The following SAMMSON variants were observed in gnomAD, a reference collection of about 807,000 sequenced individuals.
SAMMSON encodes the protein long intergenic non-protein coding RNA 1212.
At chr3:70,215,983 T>G (rs775097040) in intron 4 of SAMMSON, among the ~76,000 whole-genome samples, 1 of 152,066 alleles carries the variant, frequency 6.6e-6, no homozygotes, top group Admixed American at 6.6e-5. Context: ...TATTTTGATT[T>G]GAATGCAACA....
chr3:70,289,551 TC>T (rs1196328131), intron 6 of SAMMSON, among the ~76,000 whole-genome samples: 1 of 148,422 alleles, frequency 6.7e-6, no homozygotes, highest in African/African-American at 2.5e-5. Flanking sequence ...GAGTTGCTCT[TC>T]TCGAGGAGTA....
Position 70,122,460 on chromosome 3 carries a change from G to A in SAMMSON, n.507+50895G>A, listed in dbSNP as rs79120866. On this transcript the variant is annotated intron_variant and non_coding_transcript_variant, in intron 4 of 9. Transcript: ENST00000642114. The stretch of plus-strand genomic sequence containing the variant: ...CTGGGCTCCAGCAATCCACCTGCTC[G>A]CCCTCCCAAATTGTTAGGATTACAG... Among the ~76,000 whole-genome samples, 194 of 152,228 alleles carry A rather than the reference G, an allele frequency of 1.3e-3. 2 individuals carry two copies. The East Asian group carries it at 0.029, about 23-fold the overall frequency.
In SAMMSON at chr3:70,369,389, A is replaced by T. The variant is rs1702946805; in HGVS notation, n.913+11065A>T. 2.0e-5 allele frequency among the ~76,000 whole-genome samples: 3 copies of T among 151,896 alleles called. No homozygotes were observed. The South Asian group carries it at 6.2e-4, about 31-fold the overall frequency. On this transcript the variant is annotated intron_variant and non_coding_transcript_variant, in intron 9 of 9. Transcript: ENST00000642114. ...AAATTCTGGAGCATGACAGGAAAAA[A>T]ATTTTTTAAATTCTCTCAAAATGCT... is the stretch of plus-strand genomic sequence containing the variant.
At chr3:70,127,301 A>G (rs1323649425) in intron 4 of SAMMSON, 1 of 152,130 alleles carries the variant, frequency 6.6e-6, no homozygotes, top group African/African-American at 2.4e-5. Context: ...CTCTTACTAC[A>G]TTCTTCCTTC....
intron 4 of SAMMSON, among the ~76,000 whole-genome samples, chr3:70,124,121 T>C (rs2067446015): frequency 6.6e-6 from 1 of 152,184 alleles, no homozygotes; most frequent in South Asian, 2.1e-4. Flanking sequence ...CTTGAATCGG[T>C]CACTGTGATT....
chr3:70,320,490 A>G (rs2106716585), intron 7 of SAMMSON, among the ~76,000 whole-genome samples: 1 of 152,212 alleles, frequency 6.6e-6, no homozygotes, highest in Non-Finnish European at 1.5e-5. Context: ...AAATAATGGC[A>G]TCGTATATTT....
intron 7 of SAMMSON, among the ~76,000 whole-genome samples, chr3:70,323,902 C>T (rs1156465490): frequency 6.6e-6 from 1 of 152,094 alleles, no homozygotes; most frequent in Non-Finnish European, 1.5e-5. Context: ...AGGATGCCTA[C>T]TTCATAAGGG....
At chr3:70,019,573 C>T (rs753715936) in intron 3 of SAMMSON, among the ~76,000 whole-genome samples, 1 of 152,076 alleles carries the variant, frequency 6.6e-6, no homozygotes, top group Non-Finnish European at 1.5e-5. Flanking sequence ...GAGCATTTAG[C>T]CCATTTACAG....
At chr3:70,337,578 CTTTA>C (rs1702675211) in intron 7 of SAMMSON, among the ~76,000 whole-genome samples, 1 of 151,858 alleles carries the variant, frequency 6.6e-6, no homozygotes, top group Admixed American at 6.6e-5. Flanking sequence ...ATTTTGCAAT[CTTTA>C]TTTAGGGAGA....
chr3:70,180,874 T>G (rs2106705277), intron 4 of SAMMSON, among the ~76,000 whole-genome samples: 1 of 152,026 alleles, frequency 6.6e-6, no homozygotes, highest in East Asian at 1.9e-4. Context: ...TAATTTAAAT[T>G]GAGGTTTCGG....
intron 4 of SAMMSON, among the ~76,000 whole-genome samples, chr3:70,187,520 C>T (rs957936674): frequency 6.2e-5 from 9 of 145,108 alleles, no homozygotes; most frequent in Non-Finnish European, 1.0e-4. Context: ...TCACTGCAAG[C>T]TCCGCCTCCC....
chr3:70,180,154 G>GCT (rs1448267262), intron 4 of SAMMSON, among the ~76,000 whole-genome samples: 4 of 152,008 alleles, frequency 2.6e-5, no homozygotes, highest in Non-Finnish European at 5.9e-5. Context: ...GTCAACTTAG[G>GCT]TTTTAGTCTT....
At chr3:70,189,654 C>T (rs1165170287) in intron 4 of SAMMSON, among the ~76,000 whole-genome samples, 2 of 152,176 alleles carry the variant, frequency 1.3e-5, no homozygotes, top group African/African-American at 4.8e-5. Flanking sequence ...TTCTCGCCTA[C>T]CTAGGGTAAT....
intron 4 of SAMMSON, among the ~76,000 whole-genome samples, chr3:70,086,515 GC>G (rs1292793935): frequency 1.3e-5 from 2 of 152,220 alleles, no homozygotes; most frequent in African/African-American, 4.8e-5. Context: ...TTATTGGGCA[GC>G]CTGCCCTGGT....
chr3:70,398,430 A>G (rs1701110610), intron 2 of SAMMSON, among the ~76,000 whole-genome samples: 1 of 152,220 alleles, frequency 6.6e-6, no homozygotes. Context: ...TAAACAAATC[A>G]GCATAAAAAT....
exon 7 of SAMMSON, chr3:70,291,230 G>A (rs1418707887): frequency 6.6e-6 from 1 of 152,044 alleles, no homozygotes; most frequent in Non-Finnish European, 1.5e-5. Context: ...CCACCTACCA[G>A]CTATTGACCT....
intron 4 of SAMMSON, among the ~76,000 whole-genome samples, chr3:70,139,032 T>C (rs1418847942): frequency 6.6e-6 from 1 of 152,162 alleles, no homozygotes; most frequent in African/African-American, 2.4e-5. Flanking sequence ...CATTTTGATA[T>C]ATCTTCATTA....
intron 3 of SAMMSON, among the ~76,000 whole-genome samples, chr3:70,036,558 C>A (rs572722675): frequency 6.6e-5 from 10 of 152,142 alleles, no homozygotes; most frequent in Non-Finnish European, 1.0e-4. Flanking sequence ...GACTTTTGTT[C>A]TAGCTTTGCA....
At chr3:70,258,233 G>T (rs1447233311) in intron 6 of SAMMSON, among the ~76,000 whole-genome samples, 1 of 151,988 alleles carries the variant, frequency 6.6e-6, no homozygotes, top group Non-Finnish European at 1.5e-5. Flanking sequence ...AATAGGGTGG[G>T]CAACAATTTC....
Sources: gnomAD v4.1 joint callset for allele counts (sites outside exome capture counted in the v4.1 genomes callset) on GRCh38, gnomAD v4.1.1 for gene constraint, MANE v1.5 for transcripts, NCBI Gene and HGNC (gene_info 2026-07-23, HGNC 2026-07-21) for gene names.